The following HKDC1 variants were observed in gnomAD, a reference collection of about 807,000 sequenced individuals.
HKDC1 encodes hexokinase domain containing 1.
Under a neutral mutation model 96.6 loss-of-function variants are expected in HKDC1, and 66 were observed. That is an observed-to-expected ratio of 0.68 (90% CI 0.56 to 0.84). The LOEUF (loss-of-function observed/expected upper bound fraction) is 0.84. Among genes scored for constraint, HKDC1 ranks in the 40% least tolerant of loss-of-function variants. The pLI is 0.00. For missense variants in HKDC1, 1,211 were observed against 1,208.1 expected, an observed-to-expected ratio of 1.00 and a Z score of -0.04; for synonymous variants, 466 against 473.1, an observed-to-expected ratio of 0.98 and a Z score of 0.20.
intron 1 of HKDC1, among the ~76,000 whole-genome samples, chr10:69,224,428 C>T (rs1018620703): frequency 6.6e-6 from 1 of 151,964 alleles, no homozygotes; most frequent in African/African-American, 2.4e-5. Context: ...GGACTACAGG[C>T]GCCCGCCACC....
rs1564726916 is a variant in HKDC1, at chr10:69,233,136, A to T, written c.495+3A>T. 1 of 1,613,800 alleles carries T rather than the reference A, an allele frequency of 6.2e-7. No homozygotes were observed. Among genetic ancestry groups the T allele is most frequent in the South Asian group, 1.1e-5 (1 of 91,080 alleles). On this transcript the variant is annotated splice_donor_region_variant and intron_variant, in intron 4 of 17. Transcript: ENST00000354624. Reference sequence around the variant, plus strand: ...GTCGACAGACTAAACTGGAAGAGGTAAGGCGCGGAGGGAAGCAGCAGTGCA... The same window carrying T: ...GTCGACAGACTAAACTGGAAGAGGTTAGGCGCGGAGGGAAGCAGCAGTGCA...
chr10:69,243,033 C>G, intron 6 of HKDC1, 149 bp from the exon 7 acceptor site: 1 of 719,528 alleles, frequency 1.4e-6, no homozygotes, highest in African/African-American at 1.8e-5. Context: ...GGGGCTTGCC[C>G]AAGCTGCTTC....
intron 16 of HKDC1, chr10:69,265,273 C>T (rs1213066324): frequency 2.4e-5 from 8 of 330,646 alleles, no homozygotes; most frequent in South Asian, 1.0e-4. Context: ...CCACAGCCTC[C>T]TCTTCTGAAA....
intron 16 of HKDC1, chr10:69,261,957 C>T (rs952982109): frequency 2.0e-5 from 5 of 244,740 alleles, no homozygotes; most frequent in Non-Finnish European, 4.2e-5. Context: ...CCCAAAAACT[C>T]ATAGTTAGAC....
Position 69,265,822 on chromosome 10 carries a change from A to G in HKDC1, c.2606+4A>G. The G allele has an allele frequency of 2.2e-6, 3 of 1,359,248 alleles. No homozygotes were observed. The highest frequency in any genetic ancestry group is 2.3e-5 in the South Asian group (2 of 86,744). 84.2% of individuals were successfully genotyped at this position (1,359,248 alleles called of 1,614,324 possible). A position where few individuals can be genotyped will look rare whatever the true frequency, so the allele number is the denominator to read the frequency against. Reference sequence around the variant, plus strand: ...CCCTGTACAAGCTGCACCCTCAGTGAGTGCCCACAAGAGGCGTGGCGGGTG... The same window carrying G: ...CCCTGTACAAGCTGCACCCTCAGTGGGTGCCCACAAGAGGCGTGGCGGGTG... On this transcript the variant is annotated splice_donor_region_variant and intron_variant, in intron 17 of 17. Transcript: ENST00000354624.
At chr10:69,265,539 G>T in intron 16 of HKDC1, 46 bp from the exon 17 acceptor site, 2 of 1,543,458 alleles carry the variant, frequency 1.3e-6, no homozygotes, top group Non-Finnish European at 1.8e-6. Context: ...GGCACATCCC[G>T]GGGTCCTGGG....
rs753402973 is a variant in HKDC1 at position 69,248,521 on chromosome 10, ATGGTGACCGCGG to A, written c.1367_1378del (p.Val456_Val459del). On this transcript the variant is annotated inframe_deletion, in exon 10 of 18. Transcript: ENST00000354624. ...GAGTGGCAGCACCAAGGGGGCCGCCATGGTGACCGCGGTGGCCTCCCGCGTGCAGGCCCAGCG... is the reference window on the plus strand; with the variant it reads ...GAGTGGCAGCACCAAGGGGGCCGCCATGGCCTCCCGCGTGCAGGCCCAGCG... The A allele has an allele frequency of 2.5e-6, 4 of 1,613,458 alleles. No individual in the cohort carries two copies. In the African/African-American group the frequency reaches 5.3e-5, roughly 22 times the overall value.
At chr10:69,222,616 A>C (rs1325001645) in intron 1 of HKDC1, among the ~76,000 whole-genome samples, 2 of 152,224 alleles carry the variant, frequency 1.3e-5, no homozygotes, top group South Asian at 2.1e-4. Context: ...GCCCTGGTGC[A>C]GGCTCAGGAG....
At position 69,227,301 on chromosome 10, in the gene HKDC1, A is replaced by G. The variant is rs1329813254; in HGVS notation, c.158A>G (p.Lys53Arg). 1 of 1,614,150 alleles carries G rather than the reference A, an allele frequency of 6.2e-7. No homozygotes were observed. Among genetic ancestry groups the G allele is most frequent in the Non-Finnish European group, 8.5e-7 (1 of 1,180,030 alleles). ...GCTGAGATGGAGAAGGGCCTGGCAA[A>G]GGACACCAACCCCACGGCTGCAGTG... ...FRAEMEKGLA[K>R]DTNPTAAVKM... Residue 53 changes from lysine (K) to arginine (R), a missense_variant, in exon 2 of 18, where the codon AAG (lysine) becomes AGG (arginine). Transcript: ENST00000354624.
chr10:69,263,248 A>G lies in HKDC1; in HGVS notation c.2372+1954A>G, dbSNP rs549788255. ...CAAGTAGCTGGGACTACAGGCACACACCACCACACCTAGCTAATTTTTGTA... is the reference window on the plus strand; with the variant it reads ...CAAGTAGCTGGGACTACAGGCACACGCCACCACACCTAGCTAATTTTTGTA... On this transcript the variant is annotated intron_variant, in intron 16 of 17. Coordinates refer to ENST00000354624, the MANE Select transcript of HKDC1 (RefSeq NM_025130.4). Among the ~76,000 whole-genome samples, 468 of 152,090 alleles carry G rather than the reference A, an allele frequency of 3.1e-3. 2 individuals are homozygous for G. Among genetic ancestry groups the G allele is most frequent in the African/African-American group, 0.011 (457 of 41,470 alleles).
chr10:69,262,099 T>C lies in HKDC1; in HGVS notation c.2372+805T>C, dbSNP rs75627590. ...GATGCATATTGCCTGGATCTATTAT[T>C]TCACTAGACATCGTAAATGGTGATG... On this transcript the variant is annotated intron_variant, in intron 16 of 17. Transcript: ENST00000354624. The C allele has an allele frequency of 7.5e-3, 3,310 of 441,856 alleles. 90 individuals carry two copies. The highest frequency in any genetic ancestry group is 0.059 in the African/African-American group (2,924 of 49,774). The allele number at this position is 441,856 out of a possible 1,614,324, so 27.4% of individuals were successfully genotyped here.
intron 15 of HKDC1, among the ~76,000 whole-genome samples, 164 bp from the exon 16 acceptor site, chr10:69,260,975 T>C (rs1158528215): frequency 6.6e-6 from 1 of 152,170 alleles, no homozygotes; most frequent in Non-Finnish European, 1.5e-5. Context: ...CTCCCTGTTT[T>C]GTAGATGATA....
intron 4 of HKDC1, among the ~76,000 whole-genome samples, chr10:69,235,883 G>T (rs907232901): frequency 1.3e-5 from 2 of 152,134 alleles, no homozygotes; most frequent in East Asian, 3.8e-4. Context: ...TGTGCCAAAT[G>T]CTTTATGCGC....
chr10:69,237,816 C>T (rs1158227987), intron 4 of HKDC1, among the ~76,000 whole-genome samples: 1 of 96,014 alleles, frequency 1.0e-5, no homozygotes, highest in Non-Finnish European at 2.1e-5. Context: ...CAGAGACCTG[C>T]ATTCGGCTTG....
intron 4 of HKDC1, among the ~76,000 whole-genome samples, chr10:69,234,684 A>C (rs1843334798): frequency 1.3e-5 from 2 of 152,226 alleles, no homozygotes; most frequent in Non-Finnish European, 2.9e-5. Flanking sequence ...GGCTGTGGTG[A>C]CTGTCCCTGG....
intron 1 of HKDC1, among the ~76,000 whole-genome samples, chr10:69,222,521 T>C (rs1843082664): frequency 6.6e-6 from 1 of 152,228 alleles, no homozygotes; most frequent in Non-Finnish European, 1.5e-5. Flanking sequence ...CCTTTGATTC[T>C]GCAAACTTAT....
At chr10:69,229,716 C>T (rs1392449993) in intron 2 of HKDC1, among the ~76,000 whole-genome samples, 1 of 152,204 alleles carries the variant, frequency 6.6e-6, no homozygotes, top group Non-Finnish European at 1.5e-5. Context: ...AAACTCTCTC[C>T]TCCTTAGCCG....
chr10:69,255,323 A>G (rs2132370594), intron 12 of HKDC1, among the ~76,000 whole-genome samples: 1 of 152,382 alleles, frequency 6.6e-6, no homozygotes, highest in East Asian at 1.9e-4. Context: ...TGTTCTACAC[A>G]TACCAACCAG....
chr10:69,227,170 C>G (rs781565673), intron 1 of HKDC1, 37 bp from the exon 2 acceptor site: 3 of 1,611,214 alleles, frequency 1.9e-6, no homozygotes, highest in African/African-American at 2.7e-5. Flanking sequence ...GGTGAGGGCC[C>G]CCAGCAGCAC....
Sources: allele counts gnomAD v4.1 joint callset (sites outside exome capture counted in the v4.1 genomes callset), GRCh38; gene constraint gnomAD v4.1.1; transcripts MANE v1.5; gene names NCBI Gene and HGNC (gene_info 2026-07-23, HGNC 2026-07-21).